TADA2B: variants seen among roughly 807,000 people sequenced by gnomAD.
TADA2B encodes the protein transcriptional adaptor 2B.
In TADA2B, 13 loss-of-function variants were observed where a neutral mutation model predicts 34.5. The observed-to-expected ratio is 0.38, with a 90% CI of 0.25 to 0.60. The LOEUF is 0.60. Among genes scored for constraint, TADA2B ranks in the 20% least tolerant of loss-of-function variants. TADA2B has a pLI of 0.65. For synonymous variants in TADA2B, 240 were observed against 243.4 expected, an observed-to-expected ratio of 0.99 and a Z score of 0.13; for missense variants, 442 against 575.0, an observed-to-expected ratio of 0.77 and a Z score of 2.37.
At chr4:7,046,827 C>A (rs2108783297) in intron 1 of TADA2B, among the ~76,000 whole-genome samples, 1 of 152,230 alleles carries the variant, frequency 6.6e-6, no homozygotes, top group African/African-American at 2.4e-5. Flanking sequence ...ATGTGGGATT[C>A]ATGGGAGAGG....
chr4:7,054,783 A>G lies in TADA2B; in HGVS notation c.992A>G (p.Lys331Arg). Reference sequence around the variant, plus strand: ...AACCTAGCCGGCTCCAAACGGGGAAAGGAGGACGGCAAAGACAGCGAGTTC... The same window carrying G: ...AACCTAGCCGGCTCCAAACGGGGAAGGGAGGACGGCAAAGACAGCGAGTTC... ...NKNLAGSKRG[K>R]EDGKDSEFAA... The change falls in exon 2 of 2, where the codon AAG becomes AGG. Residue 331 changes from lysine to arginine, a missense_variant. By Grantham distance (26) the Lys-to-Arg change is conservative (BLOSUM62 2). Around this residue, in one of 4 missense-constraint regions of TADA2B, gnomAD observed 114 missense variants for 144.7 expected, o/e 0.79. Coordinates refer to ENST00000310074, the MANE Select transcript of TADA2B (RefSeq NM_152293.3). The G allele has an allele frequency of 6.2e-7, 1 of 1,613,990 alleles. No individual in the cohort carries two copies. Among genetic ancestry groups the G allele is most frequent in the Non-Finnish European group, 8.5e-7 (1 of 1,179,902 alleles).
intron 1 of TADA2B, among the ~76,000 whole-genome samples, chr4:7,052,533 C>G (rs1166591066): frequency 6.6e-6 from 1 of 152,218 alleles, no homozygotes; most frequent in Non-Finnish European, 1.5e-5. Flanking sequence ...GGGGCCCACT[C>G]TGGCCCTGAA....
At chr4:7,050,062 G>A (rs1158632641) in intron 1 of TADA2B, among the ~76,000 whole-genome samples, 3 of 152,268 alleles carry the variant, frequency 2.0e-5, no homozygotes, top group Non-Finnish European at 4.4e-5. Flanking sequence ...TGGCAGGTGG[G>A]GCCCTCCCAT....
Position 7,057,095 on chromosome 4 carries a change from TTTTAAA to T in TADA2B, c.*2047_*2052del, listed in dbSNP as rs775932613. 1.3e-5 allele frequency: 2 copies of T among 152,200 alleles called. No homozygotes were observed. Among genetic ancestry groups the T allele is most frequent in the Non-Finnish European group, 2.9e-5 (2 of 68,032 alleles). The allele number at this position is 152,200 out of a possible 1,614,324, so 9.4% of individuals were successfully genotyped here. ...GCGCCAGGATCCTAGTTTGGTGAGGTTTTAAATTTAATCTTATTTTTATATAAAATG... is the reference window on the plus strand; with the variant it reads ...GCGCCAGGATCCTAGTTTGGTGAGGTTTTAATCTTATTTTTATATAAAATG... On this transcript the variant is annotated 3_prime_UTR_variant, in exon 2 of 2. Transcript: ENST00000310074.
At position 7,051,996 on chromosome 4, in the gene TADA2B, C is replaced by G. The variant is rs866300534; in HGVS notation, c.271-2066C>G. Among the ~76,000 whole-genome samples, 23 of 152,344 alleles carry G rather than the reference C, an allele frequency of 1.5e-4. No homozygotes were observed. The South Asian group carries it at 1.7e-3, about 11-fold the overall frequency. On this transcript the variant is annotated intron_variant, in intron 1 of 1. Coordinates refer to ENST00000310074, the MANE Select transcript of TADA2B (RefSeq NM_152293.3). Reference sequence around the variant, plus strand: ...GAGACCAGGGCCAATGCCAGGGGGGCCCCACTGACTCACCTTGTGACCTTG... The same window carrying G: ...GAGACCAGGGCCAATGCCAGGGGGGGCCCACTGACTCACCTTGTGACCTTG...
chr4:7,044,050 A>C (rs937339855), intron 1 of TADA2B, among the ~76,000 whole-genome samples: 1 of 152,258 alleles, frequency 6.6e-6, no homozygotes, highest in African/African-American at 2.4e-5. Flanking sequence ...GACGCGCCCA[A>C]GGTCACACAG....
At position 7,056,616 on chromosome 4, in the gene TADA2B, TAAATA is replaced by T. The variant is rs1174993066; in HGVS notation, c.*1566_*1570del. 4 of 152,368 alleles carry T rather than the reference TAAATA, an allele frequency of 2.6e-5. No homozygotes were observed. Among genetic ancestry groups the T allele is most frequent in the African/African-American group, 7.2e-5 (3 of 41,584 alleles). 9.4% of individuals were successfully genotyped at this position (152,368 alleles called of 1,614,324 possible). On this transcript the variant is annotated 3_prime_UTR_variant, in exon 2 of 2. Transcript: ENST00000310074. Reference sequence around the variant, plus strand: ...TCCCTTAGGGTAAAATTTTCAGCATTAAATAAAACATTTCAAATATATTGTATATG... The same window carrying T: ...TCCCTTAGGGTAAAATTTTCAGCATTAAACATTTCAAATATATTGTATATG...
At position 7,057,612 on chromosome 4, in the gene TADA2B, C is replaced by A. The variant is rs963951310; in HGVS notation, c.*2558C>A. The A allele has an allele frequency of 3.9e-5, 6 of 152,150 alleles. No individual in the cohort carries two copies. The highest frequency in any genetic ancestry group is 5.9e-5 in the Non-Finnish European group (4 of 68,040). The allele number at this position is 152,150 out of a possible 1,614,324, so 9.4% of individuals were successfully genotyped here. On this transcript the variant is annotated 3_prime_UTR_variant, in exon 2 of 2. Coordinates refer to ENST00000310074, the MANE Select transcript of TADA2B (RefSeq NM_152293.3). ...GACCATCCTGGCCAACATGGTGAAA[C>A]CCTGTCTCTACTAAAAATACAAAAA...
Position 7,054,499 on chromosome 4 carries a change from C to A in TADA2B, c.708C>A (p.Asp236Glu), listed in dbSNP as rs1316234090. 1.9e-6 allele frequency: 3 copies of A among 1,613,610 alleles called. No individual in the cohort carries two copies. Among genetic ancestry groups the A allele is most frequent in the Non-Finnish European group, 2.5e-6 (3 of 1,179,886 alleles). The change falls in exon 2 of 2, where the codon GAC becomes GAA. Residue 236 changes from aspartate (D) to glutamate (E), a missense_variant. By Grantham distance (45) the Asp-to-Glu change is conservative. This residue lies in a region of TADA2B where 222 missense variants were observed against 235.2 expected (regional missense o/e 0.94). Coordinates refer to ENST00000310074, the MANE Select transcript of TADA2B (RefSeq NM_152293.3). ...YNLVPAFLGK[D>E]KKEKEKALKR... ...TGGTGCCAGCCTTCCTGGGGAAGGA[C>A]AAGAAGGAGAAGGAAAAGGCGCTGA...
intron 1 of TADA2B, among the ~76,000 whole-genome samples, chr4:7,045,312 C>A (rs1214507159): frequency 6.6e-6 from 1 of 152,226 alleles, no homozygotes; most frequent in Admixed American, 6.5e-5. Flanking sequence ...CAAACCACTT[C>A]TTACAGCCGT....
In TADA2B at chr4:7,054,989, G is replaced by A; in HGVS notation, c.1198G>A (p.Val400Ile). The A allele has an allele frequency of 1.9e-6, 3 of 1,613,192 alleles. No homozygotes were observed. The highest frequency in any genetic ancestry group is 2.5e-6 in the Non-Finnish European group (3 of 1,179,710). Residue 400 changes from valine (V) to isoleucine (I), a missense_variant, in exon 2 of 2, where the codon GTC becomes ATC. Coordinates refer to ENST00000310074, the MANE Select transcript of TADA2B (RefSeq NM_152293.3). ...CCGCCTTCCTAGCTACCTGGACAAA[G>A]TCCTAAAGAAAAGGATTTTGAATTT... ...KSRLPSYLDK[V>I]LKKRILNFLT... is the part of the protein sequence containing the mutation.
At chr4:7,052,628 G>A (rs137952751) in intron 1 of TADA2B, among the ~76,000 whole-genome samples, 2,241 of 152,368 alleles carry the variant, frequency 0.015, 23 homozygotes, top group Non-Finnish European at 0.023. Context: ...GAGATGGGCA[G>A]TGACCAGCCT....
intron 1 of TADA2B, among the ~76,000 whole-genome samples, chr4:7,051,448 C>T (rs1222280931): frequency 6.6e-6 from 1 of 152,154 alleles, no homozygotes; most frequent in African/African-American, 2.4e-5. Flanking sequence ...AGGCAGGAGC[C>T]AGGGACAGCT....
At position 7,054,891 on chromosome 4, in the gene TADA2B, C is replaced by T; in HGVS notation, c.1100C>T (p.Ala367Val). 6.2e-7 allele frequency: 1 copy of T among 1,613,950 alleles called. No homozygotes were observed. The highest frequency in any genetic ancestry group is 1.1e-5 in the South Asian group (1 of 91,088). The part of the protein sequence containing the change: ...VLCSSLNLSP[A>V]RYVTVKTIII... ...TGCAGCTCTTTAAACTTGAGTCCAG[C>T]CCGCTACGTGACTGTGAAGACTATT... Residue 367 changes from alanine to valine, a missense_variant, in exon 2 of 2, where the codon GCC becomes GTC. Transcript: ENST00000310074.
rs1243383929 is a variant in TADA2B, at chr4:7,054,950, A to G, written c.1159A>G (p.Ile387Val). 4 of 1,613,936 alleles carry G rather than the reference A, an allele frequency of 2.5e-6. No homozygotes were observed. Among genetic ancestry groups the G allele is most frequent in the Admixed American group, 1.7e-5 (1 of 60,020 alleles). Residue 387 changes from isoleucine (I) to valine (V), a missense_variant, in exon 2 of 2, where the codon ATC becomes GTC. This residue lies in a region of TADA2B where 114 missense variants were observed against 144.7 expected (regional missense o/e 0.79). Coordinates refer to ENST00000310074, the MANE Select transcript of TADA2B (RefSeq NM_152293.3). ...AGACCACCTCCAGAAGCGGCAAGGA[A>G]TCCCCTCCAAAAGCCGCCTTCCTAG... The part of the protein sequence containing the change: ...IKDHLQKRQG[I>V]PSKSRLPSYL...
chr4:7,056,721 A>T lies in TADA2B; in HGVS notation c.*1667A>T, dbSNP rs1189853582. 1 of 152,228 alleles carries T rather than the reference A, an allele frequency of 6.6e-6. No individual in the cohort carries two copies. The highest frequency in any genetic ancestry group is 2.4e-5 in the African/African-American group (1 of 41,456). 9.4% of individuals were successfully genotyped at this position (152,228 alleles called of 1,614,324 possible). ...CTAAGCCCAGAACTTCTCTTTTGAC[A>T]ATAAAGTACTGAGCAGTGGTATCAT... On this transcript the variant is annotated 3_prime_UTR_variant, in exon 2 of 2. Coordinates refer to ENST00000310074, the MANE Select transcript of TADA2B (RefSeq NM_152293.3).
rs761071358 is a variant in TADA2B, at chr4:7,054,831, G to T, written c.1040G>T (p.Gly347Val). The T allele has an allele frequency of 6.8e-6, 11 of 1,613,748 alleles. No individual in the cohort carries two copies. Among genetic ancestry groups the T allele is most frequent in the Admixed American group, 5.0e-5 (3 of 59,986 alleles). Residue 347 changes from glycine (G) to valine (V), a missense_variant, in exon 2 of 2, where the codon GGC (glycine) becomes GTC (valine). Physicochemically the swap from Gly to Val is moderately radical, Grantham distance 109. Coordinates refer to ENST00000310074, the MANE Select transcript of TADA2B (RefSeq NM_152293.3). ...TTCGCCGCCATTGAGAACCTTCCAG[G>T]CTTCGAGCTCCTGTCAGATCGCGAG... ...SEFAAIENLP[G>V]FELLSDREKV...
intron 1 of TADA2B, among the ~76,000 whole-genome samples, chr4:7,052,512 G>A (rs1466425687): frequency 1.3e-5 from 2 of 152,190 alleles, no homozygotes; most frequent in Admixed American, 6.5e-5. Flanking sequence ...GGGACTTCGC[G>A]CTCGCTGTGT....
chr4:7,051,386 C>A (rs961106979), intron 1 of TADA2B, among the ~76,000 whole-genome samples: 2 of 152,184 alleles, frequency 1.3e-5, no homozygotes, highest in African/African-American at 4.8e-5. Flanking sequence ...AGGGTGGGCG[C>A]TGCCAGGCCT....
Sources: allele counts gnomAD v4.1 joint callset (sites outside exome capture counted in the v4.1 genomes callset), GRCh38; gene constraint gnomAD v4.1.1; regional missense constraint gnomAD v4.1.1; transcripts MANE v1.5; gene names NCBI Gene and HGNC (gene_info 2026-07-23, HGNC 2026-07-21).